The following ADAMTSL1 variants were observed in gnomAD, a reference collection of about 807,000 sequenced individuals.
ADAMTSL1 encodes ADAMTS-like protein 1.
In ADAMTSL1, 126 loss-of-function variants were observed where a neutral mutation model predicts 201.8. That is an observed-to-expected ratio of 0.62 (90% CI 0.54 to 0.72). The LOEUF (loss-of-function observed/expected upper bound fraction) is 0.72. Ranked by LOEUF, ADAMTSL1 falls within the 30% of genes least tolerant of loss-of-function variation. The pLI is 0.00. For missense variants in ADAMTSL1, 2,679 were observed against 2,277.8 expected (o/e 1.18, Z -3.59); for synonymous variants, 1,121 against 903.4 (o/e 1.24, Z -4.32).
intron 23 of ADAMTSL1, among the ~76,000 whole-genome samples, chr9:18,841,690 T>C (rs1461588834): frequency 6.6e-6 from 1 of 152,230 alleles, no homozygotes; most frequent in Non-Finnish European, 1.5e-5. Flanking sequence ...GTTGGTAAGC[T>C]ATTGATTATT....
At chr9:18,682,394 T>A (rs1830560298) in intron 12 of ADAMTSL1, among the ~76,000 whole-genome samples, 1 of 152,172 alleles carries the variant, frequency 6.6e-6, no homozygotes, top group Non-Finnish European at 1.5e-5. Context: ...AACAGAAAAC[T>A]GTCACTTTTT....
intron 24 of ADAMTSL1, among the ~76,000 whole-genome samples, chr9:18,888,632 A>G (rs1211420747): frequency 1.3e-5 from 2 of 152,194 alleles, no homozygotes; most frequent in East Asian, 3.8e-4. Context: ...GCACCAAGAA[A>G]GAGTTGTAAA....
intron 2 of ADAMTSL1, among the ~76,000 whole-genome samples, chr9:18,329,717 C>A (rs1834957080): frequency 6.6e-6 from 1 of 152,204 alleles, no homozygotes; most frequent in Admixed American, 6.5e-5. Context: ...CCAAAGTTTT[C>A]ATGTCTTTCC....
intron 2 of ADAMTSL1, among the ~76,000 whole-genome samples, chr9:18,406,139 G>T (rs1818181999): frequency 6.6e-6 from 1 of 152,140 alleles, no homozygotes; most frequent in African/African-American, 2.4e-5. Context: ...AATTCATAAA[G>T]ATTTAGGTCT....
intron 9 of ADAMTSL1, among the ~76,000 whole-genome samples, chr9:18,675,272 C>T (rs1454092140): frequency 2.6e-5 from 4 of 152,170 alleles, no homozygotes; most frequent in African/African-American, 7.2e-5. Context: ...TAGTTGCCTA[C>T]TATGTTCAGT....
intron 2 of ADAMTSL1, among the ~76,000 whole-genome samples, chr9:18,236,352 G>A (rs1430015725): frequency 6.6e-6 from 1 of 152,216 alleles, no homozygotes; most frequent in Non-Finnish European, 1.5e-5. Flanking sequence ...GGGATTACAG[G>A]CGTGAGCCAC....
intron 16 of ADAMTSL1, among the ~76,000 whole-genome samples, chr9:18,754,598 A>G (rs1032672146): frequency 6.6e-6 from 1 of 152,354 alleles, no homozygotes. Context: ...TGCCTTGTGC[A>G]GAAGGGTCTC....
chr9:18,275,648 C>T (rs1051006051), intron 2 of ADAMTSL1, among the ~76,000 whole-genome samples: 1 of 152,106 alleles, frequency 6.6e-6, no homozygotes, highest in African/African-American at 2.4e-5. Flanking sequence ...TTTCACATAG[C>T]ATGTTTTTGA....
intron 1 of ADAMTSL1, among the ~76,000 whole-genome samples, chr9:18,045,986 G>A (rs1455061507): frequency 2.0e-5 from 3 of 152,160 alleles, no homozygotes; most frequent in South Asian, 2.1e-4. Context: ...AAAATATAAA[G>A]TACTGGTTTC....
At chr9:18,261,012 C>CTTTTT (rs3085417) in intron 2 of ADAMTSL1, among the ~76,000 whole-genome samples, 2 of 104,232 alleles carry the variant, frequency 1.9e-5, no homozygotes, top group African/African-American at 3.7e-5. Flanking sequence ...TTTCCTTTTT[C>CTTTTT]TTTTTTTTTT....
chr9:18,177,625 T>C (rs1458372558), intron 2 of ADAMTSL1, among the ~76,000 whole-genome samples: 1 of 152,150 alleles, frequency 6.6e-6, no homozygotes, highest in African/African-American at 2.4e-5. Flanking sequence ...TGATCCAAAA[T>C]GGCACCAGAG....
intron 13 of ADAMTSL1, among the ~76,000 whole-genome samples, chr9:18,691,657 G>A (rs1485117975): frequency 1.3e-5 from 2 of 152,056 alleles, no homozygotes; most frequent in Admixed American, 1.3e-4. Context: ...GTTAATTTTT[G>A]ATCATACCTC....
chr9:18,082,504 G>A (rs1032910643), intron 1 of ADAMTSL1, among the ~76,000 whole-genome samples: 2 of 152,104 alleles, frequency 1.3e-5, no homozygotes, highest in African/African-American at 4.8e-5. Flanking sequence ...TAAAGACAGG[G>A]TTTCACCATG....
chr9:18,186,782 G>A (rs1828753363), intron 2 of ADAMTSL1, among the ~76,000 whole-genome samples: 1 of 151,492 alleles, frequency 6.6e-6, no homozygotes, highest in African/African-American at 2.4e-5. Flanking sequence ...GGTCATGCTG[G>A]GAAATTATTA....
rs1337776201 is a variant in ADAMTSL1, at chr9:18,828,662, A to T, written c.4115-1181A>T. ...AAAGGATTCTTTTGAAAGTATATTTATATATATATATATATATATATATAT... is the reference window on the plus strand; with the variant it reads ...AAAGGATTCTTTTGAAAGTATATTTTTATATATATATATATATATATATAT... On this transcript the variant is annotated intron_variant, in intron 22 of 28. Transcript: ENST00000380548. Among the ~76,000 whole-genome samples the T allele has an allele frequency of 1.1e-3, 42 of 37,296 alleles. 2 individuals carry two copies. The highest frequency in any genetic ancestry group is 9.4e-3 in the Admixed American group (32 of 3,416). The allele number at this position is 37,296 out of a possible 152,430, so 24.5% of individuals were successfully genotyped here. A position where few individuals can be genotyped will look rare whatever the true frequency, so the allele number is the denominator to read the frequency against.
intron 15 of ADAMTSL1, among the ~76,000 whole-genome samples, chr9:18,730,031 CT>C (rs993226200): frequency 1.7e-4 from 25 of 149,938 alleles, no homozygotes; most frequent in East Asian, 3.9e-4. Context: ...CAAAATAAAT[CT>C]TTTTTTTTTC....
chr9:18,781,180 T>C (rs558726401), intron 19 of ADAMTSL1, among the ~76,000 whole-genome samples: 4 of 151,494 alleles, frequency 2.6e-5, no homozygotes, highest in African/African-American at 7.3e-5. Flanking sequence ...CAAAGAACAC[T>C]AAAGCACTGG....
intron 2 of ADAMTSL1, among the ~76,000 whole-genome samples, chr9:18,345,190 T>A (rs1170677028): frequency 3.3e-5 from 5 of 152,014 alleles, no homozygotes; most frequent in Non-Finnish European, 7.4e-5. Flanking sequence ...GGCCACGGCC[T>A]AAATAAAGGA....
rs574833316 is a variant in ADAMTSL1 at position 18,146,307 on chromosome 9, G to A, written c.88-17555G>A. Among the ~76,000 whole-genome samples, 8 of 152,178 alleles carry A rather than the reference G, an allele frequency of 5.3e-5. No individual in the cohort carries two copies. In the South Asian group the frequency reaches 1.7e-3, roughly 32 times the overall value. ...CAAAAACCTGCAGTCAGATATTTATGGCAGCTTTATTTATAGTGATCAAAA... is the reference window on the plus strand; with the variant it reads ...CAAAAACCTGCAGTCAGATATTTATAGCAGCTTTATTTATAGTGATCAAAA... On this transcript the variant is annotated intron_variant, in intron 1 of 29. Coordinates refer to the ADAMTSL1 transcript ENST00000680146.
Sources: gnomAD v4.1 joint callset for allele counts (sites outside exome capture counted in the v4.1 genomes callset) on GRCh38, gnomAD v4.1.1 for gene constraint, MANE v1.5 for transcripts, NCBI Gene and HGNC (gene_info 2026-07-23, HGNC 2026-07-21) for gene names.